EFCAB13: variants seen among roughly 807,000 people sequenced by gnomAD.
EFCAB13 encodes EF-hand calcium-binding domain-containing protein 13.
In EFCAB13, 91 loss-of-function variants were observed where a neutral mutation model predicts 110.2. That is an observed-to-expected ratio of 0.83 (90% CI 0.70 to 0.98). The LOEUF (loss-of-function observed/expected upper bound fraction) is 0.98. Among genes scored for constraint, EFCAB13 ranks in the 50% least tolerant of loss-of-function variants. The pLI is 0.00. For synonymous variants in EFCAB13, 323 were observed against 369.9 expected, an observed-to-expected ratio of 0.87 and a Z score of 1.45; for missense variants, 968 against 1,119.4, an observed-to-expected ratio of 0.86 and a Z score of 1.93.
At chr17:47,361,182 A>G (rs920820493) in intron 9 of EFCAB13, among the ~76,000 whole-genome samples, 196 bp from the exon 10 acceptor site, 2 of 152,200 alleles carry the variant, frequency 1.3e-5, no homozygotes, top group African/African-American at 2.4e-5. Context: ...TGAAATTCCT[A>G]TGGAGAAATA....
rs1436637244 is a variant in EFCAB13 at position 47,347,961 on chromosome 17, AT to A, written c.661+11del. The A allele has an allele frequency of 4.9e-6, 7 of 1,430,762 alleles. No individual in the cohort carries two copies. The highest frequency in any genetic ancestry group is 6.5e-6 in the Non-Finnish European group (7 of 1,075,510). The allele number at this position is 1,430,762 out of a possible 1,614,324, so 88.6% of individuals were successfully genotyped here. A position where few individuals can be genotyped will look rare whatever the true frequency, so the allele number is the denominator to read the frequency against. ...ACTGTTGATATTGATGGTAAGTTTT[AT>A]CTTTTCAGTATTAGTTTAAGGGTCT... On this transcript the variant is annotated intron_variant, in intron 9 of 24. Transcript: ENST00000331493.
chr17:47,429,966 G>A lies in EFCAB13; in HGVS notation c.2638+5G>A. On this transcript the variant is annotated splice_donor_5th_base_variant and intron_variant, in intron 24 of 24. Transcript: ENST00000331493. ...TAAGACATGTACCTGAACATGGTTAGTAGTTTCAATGCGTCTATCTTATAA... is the reference window on the plus strand; with the variant it reads ...TAAGACATGTACCTGAACATGGTTAATAGTTTCAATGCGTCTATCTTATAA... The A allele has an allele frequency of 6.3e-7, 1 of 1,594,760 alleles. No homozygotes were observed. Among genetic ancestry groups the A allele is most frequent in the South Asian group, 1.1e-5 (1 of 88,686 alleles).
At chr17:47,325,345 A>C (rs1336903239) in intron 2 of EFCAB13, among the ~76,000 whole-genome samples, 1 of 151,958 alleles carries the variant, frequency 6.6e-6, no homozygotes, top group East Asian at 1.9e-4. Flanking sequence ...CTCTTGAAGT[A>C]CTTTCTTCAC....
intron 11 of EFCAB13, 69 bp downstream of exon 11, chr17:47,370,577 A>G: frequency 1.9e-6 from 2 of 1,067,324 alleles, no homozygotes; most frequent in Non-Finnish European, 2.7e-6. Flanking sequence ...ATCTTAATTT[A>G]TAAGTTTTAT....
intron 9 of EFCAB13, among the ~76,000 whole-genome samples, chr17:47,353,315 G>A (rs991183523): frequency 2.0e-5 from 3 of 151,360 alleles, no homozygotes; most frequent in Non-Finnish European, 2.9e-5. Flanking sequence ...TATTTTTTGA[G>A]ATGGAGTCTT....
chr17:47,404,366 T>C (rs569346856), intron 19 of EFCAB13, among the ~76,000 whole-genome samples, 196 bp from the exon 20 acceptor site: 1 of 152,172 alleles, frequency 6.6e-6, no homozygotes, highest in Non-Finnish European at 1.5e-5. Context: ...GTTCCCATTA[T>C]AGGTAGAATC....
chr17:47,356,143 C>G (rs1035474265), intron 9 of EFCAB13, among the ~76,000 whole-genome samples: 4 of 151,626 alleles, frequency 2.6e-5, no homozygotes, highest in Non-Finnish European at 4.4e-5. Context: ...TCTCTGGTGC[C>G]TCCTTGATTA....
chr17:47,357,960 G>C (rs2065490546), intron 9 of EFCAB13, among the ~76,000 whole-genome samples: 1 of 152,044 alleles, frequency 6.6e-6, no homozygotes, highest in South Asian at 2.1e-4. Context: ...TCAAGTCCTG[G>C]TTTCCTATTT....
chr17:47,438,202 C>T (rs745569160), intron 24 of EFCAB13, among the ~76,000 whole-genome samples: 6 of 152,216 alleles, frequency 3.9e-5, no homozygotes, highest in Non-Finnish European at 7.3e-5. Context: ...TTCTGTCTCA[C>T]AGCTCTTACG....
intron 7 of EFCAB13, among the ~76,000 whole-genome samples, chr17:47,344,591 T>G (rs574275042): frequency 1.5e-4 from 23 of 152,160 alleles, no homozygotes; most frequent in Non-Finnish European, 3.1e-4. Flanking sequence ...TAACATTATA[T>G]GATTTCAGCA....
intron 23 of EFCAB13, among the ~76,000 whole-genome samples, chr17:47,420,358 C>T (rs1904610197): frequency 6.6e-6 from 1 of 152,302 alleles, no homozygotes; most frequent in Non-Finnish European, 1.5e-5. Flanking sequence ...CAGCCTCTGC[C>T]CAGCCGCCAC....
rs55853213 is a variant in EFCAB13, at chr17:47,370,466, A to G, written c.835A>G (p.Ile279Val). Reference sequence around the variant, plus strand: ...CCACATGGTGGATATTGGGGATATTATATTTACTTTGAATGAGCTACAGGA... The same window carrying G: ...CCACATGGTGGATATTGGGGATATTGTATTTACTTTGAATGAGCTACAGGA... ...SNHMVDIGDI[I>V]FTLNELQEQY... Residue 279 changes from isoleucine to valine, a missense_variant, in exon 11 of 25, where the codon ATA becomes GTA. By Grantham distance (29) the Ile-to-Val change is conservative. Transcript: ENST00000331493. The G allele has an allele frequency of 0.056, 89,194 of 1,603,782 alleles. 2,867 individuals carry two copies. Among genetic ancestry groups the G allele is most frequent in the East Asian group, 0.11 (4,829 of 44,604 alleles).
At chr17:47,354,914 A>G (rs1217098188) in intron 9 of EFCAB13, among the ~76,000 whole-genome samples, 1 of 152,080 alleles carries the variant, frequency 6.6e-6, no homozygotes, top group Non-Finnish European at 1.5e-5. Flanking sequence ...TCATTGTGCT[A>G]TTTGTTGACA....
chr17:47,342,348 G>A (rs2143259437), intron 6 of EFCAB13, among the ~76,000 whole-genome samples: 1 of 152,126 alleles, frequency 6.6e-6, no homozygotes, highest in Admixed American at 6.5e-5. Context: ...TTGGTTTGTG[G>A]CAGCATAACT....
chr17:47,435,924 T>C (rs1905204736), intron 24 of EFCAB13, among the ~76,000 whole-genome samples: 1 of 152,176 alleles, frequency 6.6e-6, no homozygotes, highest in Admixed American at 6.5e-5. Flanking sequence ...TGTGGGTTTG[T>C]CATAGATGGC....
chr17:47,360,033 C>T (rs960659073), intron 9 of EFCAB13, among the ~76,000 whole-genome samples: 1 of 151,864 alleles, frequency 6.6e-6, no homozygotes, highest in African/African-American at 2.4e-5. Flanking sequence ...CATTGTTGGA[C>T]ATTTGGGTTG....
intron 22 of EFCAB13, 98 bp downstream of exon 22, chr17:47,413,014 C>A (rs2065844301): frequency 3.9e-6 from 5 of 1,294,606 alleles, no homozygotes; most frequent in Non-Finnish European, 4.2e-6. Flanking sequence ...TAATGGGAGT[C>A]ATTTTTCTTT....
At chr17:47,356,266 G>A (rs1306207427) in intron 9 of EFCAB13, among the ~76,000 whole-genome samples, 4 of 152,118 alleles carry the variant, frequency 2.6e-5, no homozygotes, top group African/African-American at 4.8e-5. Flanking sequence ...GTAAAAGAAC[G>A]TTGTTTTGTC....
At chr17:47,407,787 A>T (rs2065813055) in intron 20 of EFCAB13, among the ~76,000 whole-genome samples, 1 of 152,172 alleles carries the variant, frequency 6.6e-6, no homozygotes, top group African/African-American at 2.4e-5. Context: ...TAGGGAGGTC[A>T]GCCATGGGCT....
Sources: gnomAD v4.1 joint callset for allele counts (sites outside exome capture counted in the v4.1 genomes callset) on GRCh38, gnomAD v4.1.1 for gene constraint, MANE v1.5 for transcripts, NCBI Gene and HGNC (gene_info 2026-07-23, HGNC 2026-07-21) for gene names.